Variants in AK4 observed in about 807,000 individuals in gnomAD.
AK4 encodes adenylate kinase 4.
In AK4, 13 loss-of-function variants were observed where a neutral mutation model predicts 24.6. The observed-to-expected ratio is 0.53, with a 90% CI of 0.34 to 0.84. The LOEUF (loss-of-function observed/expected upper bound fraction) is 0.84. AK4 is among the 40% of genes least tolerant of loss of function. The probability of loss-of-function intolerance (pLI) is 0.01; values close to 1 mark genes in which losing one functional copy is unlikely to be tolerated. For synonymous variants in AK4, 88 were observed against 107.0 expected, an observed-to-expected ratio of 0.82 and a Z score of 1.10; for missense variants, 192 against 288.2, an observed-to-expected ratio of 0.67 and a Z score of 2.42.
intron 1 of AK4, among the ~76,000 whole-genome samples, chr1:65,157,099 T>C (rs1185510365): frequency 4.6e-5 from 7 of 152,232 alleles, no homozygotes; most frequent in Non-Finnish European, 8.8e-5. Context: ...TCTGGCCTAA[T>C]AGAAGAAAAC....
chr1:65,172,927 A>C (rs1261350036), intron 1 of AK4, among the ~76,000 whole-genome samples: 1 of 135,018 alleles, frequency 7.4e-6, no homozygotes, highest in East Asian at 2.2e-4. Flanking sequence ...CAATGACATG[A>C]TCTGTGCTCA....
At chr1:65,209,387 GTTACT>G (rs752087904) in intron 2 of AK4, among the ~76,000 whole-genome samples, 73 of 152,282 alleles carry the variant, frequency 4.8e-4, no homozygotes, top group South Asian at 1.2e-3. Context: ...TTCTTGGAGT[GTTACT>G]TTTAGTAAAT....
chr1:65,171,201 TC>T (rs1362401077), intron 1 of AK4, among the ~76,000 whole-genome samples: 2 of 144,876 alleles, frequency 1.4e-5, no homozygotes, highest in African/African-American at 5.2e-5. Context: ...GCTCGAGCAA[TC>T]TGCTTGCCTC....
intron 2 of AK4, among the ~76,000 whole-genome samples, chr1:65,216,668 T>G (rs899743623): frequency 1.4e-5 from 2 of 142,988 alleles, no homozygotes. Flanking sequence ...TCTCTCTGTC[T>G]TCCTTTTCTT....
chr1:65,186,189 G>T (rs937062450), intron 1 of AK4, among the ~76,000 whole-genome samples: 2 of 152,022 alleles, frequency 1.3e-5, no homozygotes, highest in African/African-American at 2.4e-5. Context: ...AGGCTGTAGT[G>T]CAGTGGTGCA....
At position 65,192,715 on chromosome 1, in the gene AK4, A is replaced by G. The variant is rs1317934155; in HGVS notation, c.265+1886A>G. Among the ~76,000 whole-genome samples, 3 of 152,210 alleles carry G rather than the reference A, an allele frequency of 2.0e-5. No homozygotes were observed. The East Asian group carries it at 5.8e-4, about 29-fold the overall frequency. ...CCTGTGAAATCAAAGCAAGTCATCT[A>G]CTTCCAAAATGCTATGGTAGGAAGG... is the stretch of plus-strand genomic sequence containing the variant. On this transcript the variant is annotated intron_variant, in intron 2 of 4. Transcript: ENST00000327299.
intron 1 of AK4, among the ~76,000 whole-genome samples, chr1:65,190,077 A>AC (rs1651241464): frequency 6.6e-6 from 1 of 152,086 alleles, no homozygotes; most frequent in South Asian, 2.1e-4. Context: ...GTTCCTTGTT[A>AC]CCATAAACTG....
intron 1 of AK4, among the ~76,000 whole-genome samples, chr1:65,182,881 C>G (rs1281849230): frequency 6.6e-6 from 1 of 152,182 alleles, no homozygotes; most frequent in East Asian, 1.9e-4. Flanking sequence ...ACTTTATTGG[C>G]AGTGTAAGAG....
intron 1 of AK4, chr1:65,148,911 C>T (rs1339093946): frequency 1.8e-5 from 3 of 165,064 alleles, no homozygotes; most frequent in Non-Finnish European, 3.9e-5. Flanking sequence ...ACCCCTTAGC[C>T]CTGGCCCCCT....
chr1:65,167,574 A>C (rs188947228), intron 1 of AK4, among the ~76,000 whole-genome samples: 71 of 151,784 alleles, frequency 4.7e-4, no homozygotes, highest in South Asian at 1.2e-3. Context: ...CGTGGAGCTC[A>C]GTTCTGTTTT....
At position 65,220,008 on chromosome 1, in the gene AK4, T is replaced by C. The variant is rs545241837; in HGVS notation, c.438+1082T>C. ...GTTGGAATCATATAGTATATCTACT[T>C]ATCAGACTTGGCTCCTTTCACTTAG... is the stretch of plus-strand genomic sequence containing the variant. On this transcript the variant is annotated intron_variant, in intron 3 of 4. Coordinates refer to ENST00000327299, the MANE Select transcript of AK4 (RefSeq NM_013410.4). Among the ~76,000 whole-genome samples, 40 of 152,358 alleles carry C rather than the reference T, an allele frequency of 2.6e-4. No homozygotes were observed. The East Asian group carries it at 6.2e-3, about 24-fold the overall frequency.
At chr1:65,169,720 T>C (rs1650446834) in intron 1 of AK4, among the ~76,000 whole-genome samples, 1 of 152,176 alleles carries the variant, frequency 6.6e-6, no homozygotes, top group Non-Finnish European at 1.5e-5. Flanking sequence ...ATTCCAGATC[T>C]GGCCTGGTCA....
At chr1:65,205,857 T>C (rs570550085) in intron 2 of AK4, among the ~76,000 whole-genome samples, 1 of 152,316 alleles carries the variant, frequency 6.6e-6, no homozygotes, top group Non-Finnish European at 1.5e-5. Flanking sequence ...ACTCATATCT[T>C]TTATTTTGAG....
At chr1:65,206,604 A>AAC (rs888542332) in intron 2 of AK4, among the ~76,000 whole-genome samples, 7 of 152,274 alleles carry the variant, frequency 4.6e-5, no homozygotes, top group African/African-American at 9.6e-5. Context: ...CACACACACA[A>AAC]ACACACACAC....
At chr1:65,164,781 T>A (rs928219058) in intron 1 of AK4, among the ~76,000 whole-genome samples, 1 of 152,258 alleles carries the variant, frequency 6.6e-6, no homozygotes, top group East Asian at 1.9e-4. Context: ...CTTTTGTTGC[T>A]TATGCTTTTG....
At chr1:65,177,751 A>T (rs1650764777) in intron 1 of AK4, among the ~76,000 whole-genome samples, 1 of 152,196 alleles carries the variant, frequency 6.6e-6, no homozygotes, top group East Asian at 1.9e-4. Context: ...GGATCCAAAC[A>T]CAACCTGTGG....
intron 1 of AK4, among the ~76,000 whole-genome samples, chr1:65,149,308 G>C (rs1649688261): frequency 6.6e-6 from 1 of 152,240 alleles, no homozygotes. Flanking sequence ...GGCTGGCGTG[G>C]TGAACTTGGG....
chr1:65,179,712 G>A (rs1650836259), intron 1 of AK4, among the ~76,000 whole-genome samples: 1 of 152,122 alleles, frequency 6.6e-6, no homozygotes, highest in Admixed American at 6.5e-5. Context: ...GCATGTGCCT[G>A]TAGTCTCAGC....
intron 1 of AK4, among the ~76,000 whole-genome samples, chr1:65,161,030 T>C (rs1432317133): frequency 2.6e-5 from 4 of 152,104 alleles, no homozygotes; most frequent in African/African-American, 4.8e-5. Flanking sequence ...ATGCTGAGGC[T>C]CAGAAGGCCC....
Sources: gnomAD v4.1 joint callset for allele counts (sites outside exome capture counted in the v4.1 genomes callset) on GRCh38, gnomAD v4.1.1 for gene constraint, MANE v1.5 for transcripts, NCBI Gene and HGNC (gene_info 2026-07-23, HGNC 2026-07-21) for gene names.